Variants in MLLT10 observed in about 807,000 individuals in gnomAD.
The protein encoded by MLLT10 is MLLT10 histone lysine methyltransferase DOT1L cofactor, also known as protein AF-10.
Under a neutral mutation model 129.1 loss-of-function variants are expected in MLLT10, and 30 were observed. That is an observed-to-expected ratio of 0.23 (90% CI 0.17 to 0.32). MLLT10 has a LOEUF of 0.32. Among genes scored for constraint, MLLT10 ranks in the 10% least tolerant of loss-of-function variants. The pLI, the probability that MLLT10 is intolerant of heterozygous loss-of-function variation, is 1.00. For synonymous variants in MLLT10, 490 were observed against 446.4 expected (o/e 1.10, Z -1.23); for missense variants, 1,119 against 1,268.3 (o/e 0.88, Z 1.79).
chr10:21,536,405 A>G (rs1366877058), intron 2 of MLLT10, among the ~76,000 whole-genome samples: 4 of 152,216 alleles, frequency 2.6e-5, no homozygotes, highest in East Asian at 3.8e-4. Flanking sequence ...TGGATGATAA[A>G]CTATCAAAAT....
At chr10:21,605,116 C>A (rs2043931396) in intron 5 of MLLT10, among the ~76,000 whole-genome samples, 1 of 151,474 alleles carries the variant, frequency 6.6e-6, no homozygotes, top group Admixed American at 6.6e-5. Context: ...AGAAATATAC[C>A]TTATTTATTT....
At chr10:21,564,034 G>A (rs769464489) in intron 3 of MLLT10, among the ~76,000 whole-genome samples, 1 of 151,950 alleles carries the variant, frequency 6.6e-6, no homozygotes, top group Non-Finnish European at 1.5e-5. Flanking sequence ...GGATGGTCTC[G>A]ATCTCCTAAC....
At chr10:21,670,099 T>C (rs889286474) in intron 9 of MLLT10, among the ~76,000 whole-genome samples, 13 of 151,892 alleles carry the variant, frequency 8.6e-5, no homozygotes, top group African/African-American at 3.2e-4. Flanking sequence ...GTCTAGGAAG[T>C]GTAGACATTG....
intron 14 of MLLT10, among the ~76,000 whole-genome samples, chr10:21,717,879 C>CCTCCTCCTT (rs2056843642): frequency 2.8e-5 from 4 of 145,130 alleles, no homozygotes; most frequent in African/African-American, 1.1e-4. Context: ...TCCTCCTTCT[C>CCTCCTCCTT]CTCCTCCTTC....
chr10:21,607,544 C>A (rs1457449202), intron 5 of MLLT10, among the ~76,000 whole-genome samples: 1 of 152,094 alleles, frequency 6.6e-6, no homozygotes, highest in Non-Finnish European at 1.5e-5. Flanking sequence ...GGTCTCGGAA[C>A]TCCTGACCCC....
intron 13 of MLLT10, among the ~76,000 whole-genome samples, chr10:21,686,401 T>C (rs925390918): frequency 3.3e-5 from 5 of 152,168 alleles, no homozygotes; most frequent in African/African-American, 1.2e-4. Flanking sequence ...ACAATAATTT[T>C]AATATTATTT....
At chr10:21,661,079 C>A (rs554150974) in intron 9 of MLLT10, among the ~76,000 whole-genome samples, 7 of 152,050 alleles carry the variant, frequency 4.6e-5, no homozygotes, top group Admixed American at 3.9e-4. Context: ...CTTGTTTAAT[C>A]TCCATGTGTT....
intron 11 of MLLT10, 59 bp from the exon 12 acceptor site, chr10:21,681,273 T>C (rs2052712121): frequency 6.2e-7 from 1 of 1,602,832 alleles, no homozygotes. Context: ...TATCTCTTTT[T>C]TTACCCTTGA....
intron 14 of MLLT10, among the ~76,000 whole-genome samples, chr10:21,715,153 C>T (rs1027396983): frequency 3.3e-5 from 5 of 152,038 alleles, no homozygotes; most frequent in African/African-American, 1.2e-4. Context: ...ATTTCCATTG[C>T]GTGTGTTGTT....
chr10:21,634,270 A>G (rs2047260288), intron 8 of MLLT10, among the ~76,000 whole-genome samples: 1 of 152,172 alleles, frequency 6.6e-6, no homozygotes, highest in South Asian at 2.1e-4. Flanking sequence ...ACCTTTCATG[A>G]CATTGACATT....
intron 3 of MLLT10, among the ~76,000 whole-genome samples, chr10:21,576,242 CTTTT>C (rs556175778): frequency 2.3e-5 from 3 of 128,084 alleles, no homozygotes; most frequent in African/African-American, 2.9e-5. Flanking sequence ...TATCCATTTA[CTTTT>C]TTTTTTTTTT....
intron 3 of MLLT10, among the ~76,000 whole-genome samples, chr10:21,573,502 G>T (rs1193968991): frequency 6.6e-6 from 1 of 151,958 alleles, no homozygotes; most frequent in East Asian, 1.9e-4. Context: ...TATCTATTGA[G>T]ATAATGCTAT....
intron 14 of MLLT10, among the ~76,000 whole-genome samples, chr10:21,719,621 A>G (rs184021323): frequency 5.6e-4 from 86 of 152,310 alleles, no homozygotes; most frequent in African/African-American, 1.9e-3. Context: ...TGAGTCAGCA[A>G]AAGTCCTGGG....
At chr10:21,552,646 C>T (rs2037274230) in intron 3 of MLLT10, among the ~76,000 whole-genome samples, 2 of 152,068 alleles carry the variant, frequency 1.3e-5, no homozygotes, top group Non-Finnish European at 2.9e-5. Flanking sequence ...CCCGCCTCGG[C>T]CTCCCAAAGT....
At position 21,614,938 on chromosome 10, in the gene MLLT10, T is replaced by A. The variant is rs2045076299; in HGVS notation, c.603+14T>A. ...TTTAGTAAGCTGGTAAGAATTTCTC[T>A]TGGATTTAATGAAATGATTATGATT... On this transcript the variant is annotated intron_variant, in intron 7 of 22. Coordinates refer to ENST00000307729, the MANE Select transcript of MLLT10 (RefSeq NM_001195626.3). 1.3e-6 allele frequency: 2 copies of A among 1,572,294 alleles called. No homozygotes were observed. The highest frequency in any genetic ancestry group is 1.7e-6 in the Non-Finnish European group (2 of 1,150,702).
Position 21,673,898 on chromosome 10 carries a change from G to A in MLLT10, c.1600G>A (p.Gly534Ser). The change falls in exon 11 of 23, where the codon GGC becomes AGC. Residue 534 changes from glycine (G) to serine (S), a missense_variant. By Grantham distance (56) the Gly-to-Ser change is moderately conservative. This residue lies in a region of MLLT10 where 1,004 missense variants were observed against 1,008.7 expected (regional missense o/e 1.00). Transcript: ENST00000307729. ...TGGAAGTTTACAGAGCCTCAGTGTT[G>A]GCTCATCTCCAGTTGGTTCAGGTAG... ...RNGSLQSLSV[G>S]SSPVGSEISM... is the part of the protein sequence containing the mutation. 1 of 1,601,660 alleles carries A rather than the reference G, an allele frequency of 6.2e-7. No individual in the cohort carries two copies. Among genetic ancestry groups the A allele is most frequent in the Non-Finnish European group, 8.5e-7 (1 of 1,174,362 alleles).
At chr10:21,657,392 CAAA>C (rs904471815) in intron 9 of MLLT10, among the ~76,000 whole-genome samples, 3 of 49,772 alleles carry the variant, frequency 6.0e-5, no homozygotes, top group African/African-American at 1.9e-4. Flanking sequence ...GACTCTGTCT[CAAA>C]AAAAAAAAAA....
intron 3 of MLLT10, among the ~76,000 whole-genome samples, chr10:21,577,881 T>C (rs573441491): frequency 6.6e-6 from 1 of 152,148 alleles, no homozygotes; most frequent in South Asian, 2.1e-4. Flanking sequence ...GGTGTTGATT[T>C]TTATTTATTT....
At chr10:21,555,310 C>T (rs1168978100) in intron 3 of MLLT10, among the ~76,000 whole-genome samples, 1 of 152,130 alleles carries the variant, frequency 6.6e-6, no homozygotes, top group African/African-American at 2.4e-5. Context: ...GCAGTCCCCA[C>T]CTCCTGGATT....
Sources: allele counts gnomAD v4.1 joint callset (sites outside exome capture counted in the v4.1 genomes callset), GRCh38; gene constraint gnomAD v4.1.1; regional missense constraint gnomAD v4.1.1; transcripts MANE v1.5; gene names NCBI Gene and HGNC (gene_info 2026-07-23, HGNC 2026-07-21).